The following VAT1L variants were observed in gnomAD, a reference collection of about 807,000 sequenced individuals.
VAT1L encodes the protein putative NADPH-dependent quinone oxidoreductase VAT1L.
A neutral mutation model predicts 44.1 loss-of-function variants in VAT1L; 34 were observed. The observed-to-expected ratio is 0.77, with a 90% CI of 0.59 to 1.03. The LOEUF (loss-of-function observed/expected upper bound fraction) is 1.03, where lower values mean the gene tolerates loss of function less well. Among genes scored for constraint, VAT1L ranks in the 50% least tolerant of loss-of-function variants. The pLI is 0.00. For synonymous variants in VAT1L, 253 were observed against 202.2 expected (o/e 1.25, Z -2.13); for missense variants, 615 against 538.8 (o/e 1.14, Z -1.40).
At chr16:77,903,239 C>T (rs533889342) in intron 7 of VAT1L, among the ~76,000 whole-genome samples, 1 of 152,130 alleles carries the variant, frequency 6.6e-6, no homozygotes, top group Non-Finnish European at 1.5e-5. Flanking sequence ...ATAGATACAG[C>T]ATATGACAAG....
intron 7 of VAT1L, among the ~76,000 whole-genome samples, chr16:77,944,297 C>T (rs1180836482): frequency 2.0e-5 from 3 of 152,108 alleles, no homozygotes; most frequent in Non-Finnish European, 1.5e-5. Flanking sequence ...TACTGGAATA[C>T]TAGAGAAATT....
At chr16:77,852,268 G>A (rs2016815692) in intron 3 of VAT1L, among the ~76,000 whole-genome samples, 1 of 152,216 alleles carries the variant, frequency 6.6e-6, no homozygotes, top group Admixed American at 6.5e-5. Context: ...CCGGGCTCAT[G>A]GAGCCACCTC....
At chr16:77,961,197 C>T (rs549158053) in intron 7 of VAT1L, among the ~76,000 whole-genome samples, 30 of 152,158 alleles carry the variant, frequency 2.0e-4, no homozygotes, top group Non-Finnish European at 1.3e-4. Flanking sequence ...TTGTTGGCTG[C>T]ACGTCTATTC....
At chr16:77,921,312 C>A (rs1227565541) in intron 7 of VAT1L, among the ~76,000 whole-genome samples, 1 of 152,128 alleles carries the variant, frequency 6.6e-6, no homozygotes, top group African/African-American at 2.4e-5. Context: ...GTTGACATTC[C>A]CCTATGTTTG....
intron 3 of VAT1L, among the ~76,000 whole-genome samples, chr16:77,836,346 G>A (rs558160183): frequency 1.3e-5 from 2 of 152,090 alleles, no homozygotes; most frequent in African/African-American, 4.8e-5. Context: ...CAGATACCTG[G>A]TCCCCAGGGT....
At chr16:77,833,414 T>TA (rs1398682959) in intron 3 of VAT1L, among the ~76,000 whole-genome samples, 1 of 152,210 alleles carries the variant, frequency 6.6e-6, no homozygotes, top group African/African-American at 2.4e-5. Flanking sequence ...CTGTGGATGA[T>TA]AAGCAGATAA....
At chr16:77,916,417 G>A (rs947058222) in intron 7 of VAT1L, among the ~76,000 whole-genome samples, 1 of 152,118 alleles carries the variant, frequency 6.6e-6, no homozygotes, top group Admixed American at 6.5e-5. Flanking sequence ...TGTCTTCTCC[G>A]CTTTTGTAAA....
chr16:77,792,374 C>T (rs908626869), intron 1 of VAT1L, among the ~76,000 whole-genome samples: 25 of 152,102 alleles, frequency 1.6e-4, no homozygotes, highest in Admixed American at 3.3e-4. Flanking sequence ...GGTCTGGCTC[C>T]TTGGAGGCAG....
intron 2 of VAT1L, among the ~76,000 whole-genome samples, chr16:77,817,548 TGAA>T (rs950743741): frequency 2.0e-5 from 3 of 152,134 alleles, no homozygotes; most frequent in East Asian, 1.9e-4. Flanking sequence ...GCATTTTGGA[TGAA>T]GAAGATGTTA....
At chr16:77,824,627 G>A (rs1021263931) in intron 2 of VAT1L, among the ~76,000 whole-genome samples, 1 of 151,036 alleles carries the variant, frequency 6.6e-6, no homozygotes, top group South Asian at 2.1e-4. Flanking sequence ...ATGGTGACAG[G>A]CACCTGTAGT....
chr16:77,796,072 CG>C (rs2145206949), intron 1 of VAT1L, among the ~76,000 whole-genome samples: 1 of 152,164 alleles, frequency 6.6e-6, no homozygotes, highest in South Asian at 2.1e-4. Context: ...GTGATCTGCC[CG>C]CCTCGGCCTC....
intron 3 of VAT1L, among the ~76,000 whole-genome samples, chr16:77,847,879 G>T (rs552315113): frequency 6.6e-6 from 1 of 152,158 alleles, no homozygotes; most frequent in African/African-American, 2.4e-5. Flanking sequence ...ACAAAAGTAG[G>T]CTGTCAACAA....
chr16:77,976,897 G>A (rs1272959065), intron 8 of VAT1L, among the ~76,000 whole-genome samples: 1 of 152,138 alleles, frequency 6.6e-6, no homozygotes, highest in African/African-American at 2.4e-5. Context: ...TCCAGTTGGG[G>A]GAAGAGAGAC....
At chr16:77,827,796 A>C (rs1442209439) in intron 3 of VAT1L, among the ~76,000 whole-genome samples, 2 of 152,224 alleles carry the variant, frequency 1.3e-5, no homozygotes, top group African/African-American at 2.4e-5. Context: ...GTGGTTTCTC[A>C]TAAGAAATGT....
chr16:77,896,330 C>T (rs2017324550), intron 7 of VAT1L, among the ~76,000 whole-genome samples: 1 of 152,188 alleles, frequency 6.6e-6, no homozygotes, highest in Non-Finnish European at 1.5e-5. Flanking sequence ...TATCCCAACC[C>T]TGAGTTAGGA....
intron 3 of VAT1L, among the ~76,000 whole-genome samples, chr16:77,839,535 C>CAAAAAAAAA (rs71137846): frequency 1.1e-3 from 55 of 49,080 alleles, no homozygotes; most frequent in Admixed American, 1.8e-3. Context: ...TACTCCATAT[C>CAAAAAAAAA]AAAAAAAAAA....
At chr16:77,820,439 T>C (rs2016432437) in intron 2 of VAT1L, among the ~76,000 whole-genome samples, 1 of 152,196 alleles carries the variant, frequency 6.6e-6, no homozygotes, top group East Asian at 1.9e-4. Context: ...AAAGGAAAGC[T>C]CATCGATGCT....
At chr16:77,952,113 A>G (rs949800787) in intron 7 of VAT1L, among the ~76,000 whole-genome samples, 8 of 152,178 alleles carry the variant, frequency 5.3e-5, no homozygotes, top group African/African-American at 1.9e-4. Context: ...ATCTTTCTTG[A>G]TTACATTTTG....
At chr16:77,955,376 A>G (rs2018091399) in intron 7 of VAT1L, among the ~76,000 whole-genome samples, 1 of 152,190 alleles carries the variant, frequency 6.6e-6, no homozygotes, top group Admixed American at 6.5e-5. Flanking sequence ...CAGCCCCCAC[A>G]ACAAAGAGTT....
Sources: allele counts gnomAD v4.1 joint callset (sites outside exome capture counted in the v4.1 genomes callset), GRCh38; gene constraint gnomAD v4.1.1; transcripts MANE v1.5; gene names NCBI Gene and HGNC (gene_info 2026-07-23, HGNC 2026-07-21).